The following RPS6KA5 variants were observed in gnomAD, a reference collection of about 807,000 sequenced individuals.
RPS6KA5 encodes ribosomal protein S6 kinase A5.
Under a neutral mutation model 85.5 loss-of-function variants are expected in RPS6KA5, and 27 were observed. The ratio of observed to expected loss-of-function variants is 0.32; its 90% confidence interval spans 0.23 to 0.44. RPS6KA5 has a LOEUF of 0.44. Among genes scored for constraint, RPS6KA5 ranks in the 20% least tolerant of loss-of-function variants. The pLI is 1.00. For missense variants in RPS6KA5, 811 were observed against 980.9 expected (o/e 0.83, Z 2.31); for synonymous variants, 334 against 348.2 (o/e 0.96, Z 0.46).
rs1265361427 is a variant in RPS6KA5, at chr14:90,968,106, G to A, written c.394+10200C>T. Among the ~76,000 whole-genome samples the A allele has an allele frequency of 4.6e-5, 7 of 152,146 alleles. No homozygotes were observed. In the East Asian group the frequency reaches 9.6e-4, roughly 21 times the overall value. Reference sequence around the variant, plus strand: ...AAAATCAAGGTGTCAGCAGGACTGCGTTTCTTCTGGGGCTCCAGGGAAAAA... The same window carrying A: ...AAAATCAAGGTGTCAGCAGGACTGCATTTCTTCTGGGGCTCCAGGGAAAAA... On this transcript the variant is annotated intron_variant, in intron 3 of 16. Transcript: ENST00000614987.
chr14:90,906,369 C>T lies in RPS6KA5; in HGVS notation c.807-70G>A, dbSNP rs1001736894. 66 of 1,250,856 alleles carry T rather than the reference C, an allele frequency of 5.3e-5. 1 individual carries two copies. The East Asian group carries it at 1.6e-3, about 29-fold the overall frequency. 77.5% of individuals were successfully genotyped at this position (1,250,856 alleles called of 1,614,324 possible). On this transcript the variant is annotated intron_variant, in intron 7 of 16. Transcript: ENST00000614987. The stretch of plus-strand genomic sequence containing the variant: ...AAAAAAAAAAAAGCATGGTGAAATA[C>T]ACTTTGAAACTGAACCACATGTGAA...
At chr14:90,920,443 A>AGGT in intron 6 of RPS6KA5, 134 bp from the exon 7 acceptor site, 1 of 625,310 alleles carries the variant, frequency 1.6e-6, no homozygotes, top group Non-Finnish European at 2.8e-6. Context: ...CTATGTAAGG[A>AGGT]GTATTAAATT....
chr14:91,057,553 T>A (rs909509939), intron 1 of RPS6KA5, among the ~76,000 whole-genome samples: 1 of 152,128 alleles, frequency 6.6e-6, no homozygotes, highest in Non-Finnish European at 1.5e-5. Flanking sequence ...ACTGAAGAGA[T>A]CCACACAGGC....
intron 7 of RPS6KA5, among the ~76,000 whole-genome samples, chr14:90,919,343 A>G (rs1480131012): frequency 2.0e-5 from 3 of 152,204 alleles, no homozygotes; most frequent in Admixed American, 2.0e-4. Flanking sequence ...AATGTCTTCA[A>G]ATCTGTTGTT....
Position 90,860,777 on chromosome 14 carries a change from A to C in RPS6KA5, c.*11297T>G, listed in dbSNP as rs1341792631. On this transcript the variant is annotated 3_prime_UTR_variant, in exon 17 of 17. Coordinates refer to ENST00000614987, the MANE Select transcript of RPS6KA5 (RefSeq NM_004755.4). ...AGACTGGCACTAAAATAAATACTAA[A>C]GAGAATTCTCCAGATGAAGAAAAGT... 6.6e-6 allele frequency: 1 copy of C among 152,204 alleles called. No individual in the cohort carries two copies. Among genetic ancestry groups the C allele is most frequent in the East Asian group, 1.9e-4 (1 of 5,198 alleles). 9.4% of individuals were successfully genotyped at this position (152,204 alleles called of 1,614,324 possible).
chr14:91,026,630 G>A (rs1737519710), intron 1 of RPS6KA5, among the ~76,000 whole-genome samples: 1 of 152,194 alleles, frequency 6.6e-6, no homozygotes. Context: ...ACAAGTGCAT[G>A]TGTCTATTGT....
chr14:90,983,841 T>C (rs143701821), intron 2 of RPS6KA5, among the ~76,000 whole-genome samples: 13,330 of 68,272 alleles, frequency 0.2, 1,339 homozygotes, highest in East Asian at 0.35. Flanking sequence ...CTCTCTCTCT[T>C]TCTTTTTTTC....
At chr14:90,942,683 T>C (rs1359124156) in intron 5 of RPS6KA5, among the ~76,000 whole-genome samples, 1 of 152,220 alleles carries the variant, frequency 6.6e-6, no homozygotes, top group African/African-American at 2.4e-5. Flanking sequence ...CTTCATAGCA[T>C]GTCCTACTTT....
chr14:90,950,515 T>C (rs1375160117), intron 3 of RPS6KA5, among the ~76,000 whole-genome samples: 1 of 152,254 alleles, frequency 6.6e-6, no homozygotes, highest in Non-Finnish European at 1.5e-5. Context: ...AGCATTATGT[T>C]GGCTCTTGGT....
At chr14:90,959,929 G>A (rs1004303259) in intron 3 of RPS6KA5, among the ~76,000 whole-genome samples, 2 of 152,150 alleles carry the variant, frequency 1.3e-5, no homozygotes, top group Non-Finnish European at 2.9e-5. Flanking sequence ...AAACCAGCAA[G>A]TACTGACAGC....
At chr14:90,965,353 G>A (rs973038510) in intron 3 of RPS6KA5, among the ~76,000 whole-genome samples, 1 of 152,118 alleles carries the variant, frequency 6.6e-6, no homozygotes, top group Admixed American at 6.6e-5. Flanking sequence ...CAGCCTGAGC[G>A]ACAGAGCGAG....
chr14:91,051,813 A>G (rs1310055001), intron 1 of RPS6KA5, among the ~76,000 whole-genome samples: 1 of 151,226 alleles, frequency 6.6e-6, no homozygotes, highest in Non-Finnish European at 1.5e-5. Context: ...AAAAAGAAAA[A>G]GCTCACCCAA....
At chr14:90,989,203 G>A (rs1341319388) in intron 2 of RPS6KA5, among the ~76,000 whole-genome samples, 1 of 152,052 alleles carries the variant, frequency 6.6e-6, no homozygotes, top group Non-Finnish European at 1.5e-5. Flanking sequence ...ACAACATTGT[G>A]AGATAGGTAT....
At position 90,853,283 on chromosome 14, in the gene RPS6KA5, C is replaced by G. The variant is rs1210391765; in HGVS notation, c.*18791G>C. The G allele has an allele frequency of 6.6e-6, 1 of 151,868 alleles. No individual in the cohort carries two copies. Among genetic ancestry groups the G allele is most frequent in the East Asian group, 1.9e-4 (1 of 5,180 alleles). The allele number at this position is 151,868 out of a possible 1,614,324, so 9.4% of individuals were successfully genotyped here. ...TGTAGAAACTTCTTAGGTTATCACT[C>G]AAAAAACAAAACAAAAGCCAAAACC... is the stretch of plus-strand genomic sequence containing the variant. On this transcript the variant is annotated 3_prime_UTR_variant, in exon 17 of 17. Transcript: ENST00000614987.
intron 5 of RPS6KA5, among the ~76,000 whole-genome samples, chr14:90,930,015 C>T (rs1207549124): frequency 6.6e-6 from 1 of 152,126 alleles, no homozygotes; most frequent in Admixed American, 6.6e-5. Flanking sequence ...GGACTAAAGG[C>T]ATGCACCAAC....
chr14:91,001,066 A>G, intron 2 of RPS6KA5, 22 bp downstream of exon 2: 1 of 1,359,884 alleles, frequency 7.4e-7, no homozygotes. Context: ...TTTTCCTTAA[A>G]TATAATTAAC....
Position 90,943,184 on chromosome 14 carries a change from A to C in RPS6KA5, c.512T>G (p.Leu171Trp), listed in dbSNP as rs2037672048. 4.7e-6 allele frequency: 7 copies of C among 1,491,012 alleles called. No homozygotes were observed. The highest frequency in any genetic ancestry group is 6.5e-6 in the Non-Finnish European group (7 of 1,076,496). 92.4% of individuals were successfully genotyped at this position (1,491,012 alleles called of 1,614,324 possible). A position where few individuals can be genotyped will look rare whatever the true frequency, so the allele number is the denominator to read the frequency against. The change falls in exon 5 of 17, where the codon TTG becomes TGG. Residue 171 changes from leucine to tryptophan, a missense_variant and splice_region_variant. By Grantham distance (61) the Leu-to-Trp change is moderately conservative. Around this residue, in one of 3 missense-constraint regions of RPS6KA5, gnomAD observed 650 missense variants for 793.4 expected, o/e 0.82. Coordinates refer to ENST00000614987, the MANE Select transcript of RPS6KA5 (RefSeq NM_004755.4). The part of the protein sequence containing the change: ...IVLALEHLHK[L>W]GIIYRDIKLE... ...CTTAATATCACGATATATAATCCCC[A>C]ACTGCAAAAACAAAGAAATATAAAT...
intron 7 of RPS6KA5, among the ~76,000 whole-genome samples, chr14:90,917,308 T>C (rs1198399125): frequency 6.6e-6 from 1 of 152,188 alleles, no homozygotes; most frequent in Non-Finnish European, 1.5e-5. Flanking sequence ...GAGAAATCAT[T>C]TACTTCCTAG....
At chr14:90,950,710 C>G (rs184547381) in intron 3 of RPS6KA5, among the ~76,000 whole-genome samples, 159 of 152,266 alleles carry the variant, frequency 1.0e-3, no homozygotes, top group African/African-American at 3.7e-3. Context: ...GGTTGGTAAA[C>G]CAATCTTGCA....
Sources: allele counts gnomAD v4.1 joint callset (sites outside exome capture counted in the v4.1 genomes callset), GRCh38; gene constraint gnomAD v4.1.1; regional missense constraint gnomAD v4.1.1; transcripts MANE v1.5; gene names NCBI Gene and HGNC (gene_info 2026-07-23, HGNC 2026-07-21).